KANTR: variants seen among roughly 807,000 people sequenced by gnomAD.
KANTR encodes the protein KANTR integral membrane protein.
At chrX:53,094,174 C>T (rs1249350726) in exon 1 of KANTR, 1 of 113,298 alleles carries the variant, frequency 8.8e-6, no homozygotes, top group Non-Finnish European at 1.9e-5. Flanking sequence ...CCTGCTCGCG[C>T]TGCAGCCCGT....
At chrX:53,112,711 C>T (rs1933061255) in intron 2 of KANTR, among the ~76,000 whole-genome samples, 1 of 110,891 alleles carries the variant, frequency 9.0e-6, no homozygotes, top group South Asian at 3.8e-4. Flanking sequence ...TCTGTATAGT[C>T]TTGTTTGCAT....
chrX:53,136,713 TATATATATATATATATATTTTG>T (rs1238915781), intron 2 of KANTR, among the ~76,000 whole-genome samples: 6 of 38,971 alleles, frequency 1.5e-4, no homozygotes. Context: ...TATATATATA[TATATATATATATATATATTTTG>T]TTTGTTTGTT....
intron 2 of KANTR, among the ~76,000 whole-genome samples, chrX:53,116,362 G>C (rs1933123541): frequency 1.8e-5 from 2 of 112,282 alleles, no homozygotes; most frequent in Admixed American, 1.9e-4. Context: ...CAGTCAGCCA[G>C]AAGTGAGTGG....
chrX:53,119,455 G>A (rs1249166223), intron 2 of KANTR, among the ~76,000 whole-genome samples: 5 of 111,375 alleles, frequency 4.5e-5, no homozygotes, highest in African/African-American at 1.6e-4. Flanking sequence ...GTGGTATAAG[G>A]TAGGGAGCTG....
At chrX:53,114,184 C>T (rs1002509449) in intron 2 of KANTR, among the ~76,000 whole-genome samples, 1 of 111,090 alleles carries the variant, frequency 9.0e-6, no homozygotes, top group Admixed American at 9.5e-5. Context: ...GGATTACAGG[C>T]GTGAGCCACC....
chrX:53,133,777 C>T (rs1933387823), intron 2 of KANTR, among the ~76,000 whole-genome samples: 2 of 111,502 alleles, frequency 1.8e-5, no homozygotes, highest in Admixed American at 9.5e-5. Flanking sequence ...TAACTAATTT[C>T]TGGTCCACAT....
intron 2 of KANTR, among the ~76,000 whole-genome samples, chrX:53,113,881 G>C (rs1309444815): frequency 9.5e-6 from 1 of 105,547 alleles, no homozygotes; most frequent in African/African-American, 3.5e-5. Context: ...GCACCCAGTC[G>C]ATTGTACTTT....
intron 2 of KANTR, among the ~76,000 whole-genome samples, chrX:53,141,115 C>T (rs941738605): frequency 8.9e-6 from 1 of 112,965 alleles, no homozygotes; most frequent in Admixed American, 9.3e-5. Flanking sequence ...GAGCCGAGAT[C>T]GTGCCATTGC....
intron 2 of KANTR, 43 bp from the exon 3 acceptor site, chrX:53,123,419 ACGCTTTC>A (rs782594319): frequency 2.8e-4 from 31 of 112,016 alleles, no homozygotes; most frequent in African/African-American, 9.4e-4. Context: ...ATCCAGTTGA[ACGCTTTC>A]ATATTAACAA....
chrX:53,116,895 TC>T (rs1382848061), intron 2 of KANTR, among the ~76,000 whole-genome samples: 1 of 111,824 alleles, frequency 8.9e-6, no homozygotes, highest in Non-Finnish European at 1.9e-5. Flanking sequence ...ATTTCTCAAT[TC>T]CCCTAACAGC....
At chrX:53,136,869 G>C (rs1306338737) in intron 2 of KANTR, among the ~76,000 whole-genome samples, 2 of 101,565 alleles carry the variant, frequency 2.0e-5, no homozygotes, top group Non-Finnish European at 4.0e-5. Context: ...TCAGCCTCCC[G>C]AGTAGCTAGG....
At chrX:53,103,260 C>T (rs782051781) in intron 2 of KANTR, among the ~76,000 whole-genome samples, 1 of 110,865 alleles carries the variant, frequency 9.0e-6, no homozygotes, top group South Asian at 3.8e-4. Flanking sequence ...ACAGGTGTGA[C>T]CCACTGTGCC....
At chrX:53,105,655 A>C (rs1213693986) in intron 2 of KANTR, among the ~76,000 whole-genome samples, 2 of 46,860 alleles carry the variant, frequency 4.3e-5, no homozygotes, top group Admixed American at 3.3e-4. Context: ...ACACCTGGTT[A>C]ATTTTTTTTT....
chrX:53,136,845 A>G (rs1247067630), intron 2 of KANTR, among the ~76,000 whole-genome samples: 1 of 90,571 alleles, frequency 1.1e-5, no homozygotes, highest in Non-Finnish European at 2.2e-5. Context: ...CTAGGTTCAA[A>G]CAATTCTCCT....
At chrX:53,136,344 T>C (rs987706899) in intron 2 of KANTR, among the ~76,000 whole-genome samples, 2 of 108,997 alleles carry the variant, frequency 1.8e-5, no homozygotes, top group Non-Finnish European at 3.8e-5. Flanking sequence ...GTTCAAGCGG[T>C]TCTCCTGCCT....
chrX:53,137,850 G>GT (rs1174893267), intron 2 of KANTR, among the ~76,000 whole-genome samples: 3 of 107,514 alleles, frequency 2.8e-5, no homozygotes, highest in African/African-American at 1.0e-4. Flanking sequence ...TTGTTTTTTT[G>GT]TTTTTTTGTT....
At chrX:53,105,407 G>C (rs1346596690) in intron 2 of KANTR, among the ~76,000 whole-genome samples, 1 of 110,849 alleles carries the variant, frequency 9.0e-6, no homozygotes, top group African/African-American at 3.3e-5. Context: ...TTATATGCTT[G>C]TATATCTTTG....
At chrX:53,145,918 A>G (rs1220077085), downstream of KANTR, among the ~76,000 whole-genome samples, 2 of 112,562 alleles carry the variant, frequency 1.8e-5, no homozygotes, top group African/African-American at 6.5e-5. Context: ...GCAAACTCCA[A>G]CATTCCTACA....
chrX:53,143,031 G>A (rs1556818702), downstream of KANTR: 5 of 1,198,932 alleles, frequency 4.2e-6, no homozygotes, highest in South Asian at 3.5e-5. Flanking sequence ...ACAGCACTGT[G>A]TTGGCGTACA....
Sources: allele counts gnomAD v4.1 joint callset (sites outside exome capture counted in the v4.1 genomes callset), GRCh38; gene constraint gnomAD v4.1.1; transcripts MANE v1.5; gene names NCBI Gene and HGNC (gene_info 2026-07-23, HGNC 2026-07-21).